EIPR1: variants seen among roughly 807,000 people sequenced by gnomAD.
The protein encoded by EIPR1 is EARP complex and GARP complex interacting protein 1, also known as EARP and GARP complex-interacting protein 1.
A neutral mutation model predicts 48.1 loss-of-function variants in EIPR1; 25 were observed. That is an observed-to-expected ratio of 0.52 (90% CI 0.38 to 0.73). EIPR1 has a LOEUF of 0.73. EIPR1 is among the 30% of genes least tolerant of loss of function. The probability of loss-of-function intolerance (pLI) is 0.00; values close to 1 mark genes in which losing one functional copy is unlikely to be tolerated. For missense variants in EIPR1, 415 were observed against 506.2 expected (o/e 0.82, Z 1.73); for synonymous variants, 204 against 201.9 (o/e 1.01, Z -0.09).
At chr2:3,303,031 G>T (rs1385111065) in intron 3 of EIPR1, among the ~76,000 whole-genome samples, 1 of 152,164 alleles carries the variant, frequency 6.6e-6, no homozygotes, top group Non-Finnish European at 1.5e-5. Context: ...TATGAAGACC[G>T]CTGAAAAGTG....
At chr2:3,208,926 C>A in intron 5 of EIPR1, 1 of 1,530,876 alleles carries the variant, frequency 6.5e-7, no homozygotes. Flanking sequence ...AGGGTCCGTG[C>A]ACGCTCCTTC....
intron 3 of EIPR1, among the ~76,000 whole-genome samples, chr2:3,278,715 C>G (rs529189727): frequency 2.0e-5 from 3 of 152,268 alleles, no homozygotes; most frequent in East Asian, 1.9e-4. Flanking sequence ...GAGGTCGGCC[C>G]ACCTCCAAAA....
intron 1 of EIPR1, among the ~76,000 whole-genome samples, chr2:3,361,685 T>A (rs1461232610): frequency 6.6e-6 from 1 of 151,472 alleles, no homozygotes; most frequent in Non-Finnish European, 1.5e-5. Context: ...AACAGCCGCC[T>A]CCAGCCCCAA....
At chr2:3,272,444 C>G (rs912388202) in intron 3 of EIPR1, among the ~76,000 whole-genome samples, 5 of 152,154 alleles carry the variant, frequency 3.3e-5, no homozygotes, top group African/African-American at 1.2e-4. Flanking sequence ...GAGAGATATT[C>G]CTTTCATTGA....
chr2:3,351,824 T>C (rs912385509), intron 2 of EIPR1, among the ~76,000 whole-genome samples: 2 of 152,250 alleles, frequency 1.3e-5, no homozygotes, highest in Admixed American at 1.3e-4. Context: ...AGGTTTCAGT[T>C]ACCTGTGGTC....
chr2:3,333,909 C>A (rs1308409976), intron 3 of EIPR1, among the ~76,000 whole-genome samples: 1 of 152,204 alleles, frequency 6.6e-6, no homozygotes, highest in African/African-American at 2.4e-5. Context: ...TCTCCACGTG[C>A]GGTTCTACTG....
At chr2:3,294,945 TACACAC>T (rs58247860) in intron 3 of EIPR1, among the ~76,000 whole-genome samples, 4 of 66,268 alleles carry the variant, frequency 6.0e-5, no homozygotes, top group Non-Finnish European at 5.5e-5. Flanking sequence ...CCATCCTCTC[TACACAC>T]ACACACACAC....
intron 1 of EIPR1, among the ~76,000 whole-genome samples, chr2:3,367,823 C>G (rs149765570): frequency 2.0e-5 from 3 of 152,110 alleles, no homozygotes; most frequent in African/African-American, 7.2e-5. Context: ...CCAAGGCAGA[C>G]GGATCACAAG....
chr2:3,266,642 G>A (rs574681262), intron 3 of EIPR1, among the ~76,000 whole-genome samples: 1 of 152,320 alleles, frequency 6.6e-6, no homozygotes, highest in Non-Finnish European at 1.5e-5. Flanking sequence ...AGGAGGTGGT[G>A]CCAGCATCAC....
At chr2:3,249,674 C>G (rs1666945933) in intron 4 of EIPR1, among the ~76,000 whole-genome samples, 1 of 152,132 alleles carries the variant, frequency 6.6e-6, no homozygotes, top group Non-Finnish European at 1.5e-5. Context: ...GGAAAAAGGC[C>G]TTGAAGACAT....
chr2:3,250,038 G>A (rs138368083), intron 4 of EIPR1, among the ~76,000 whole-genome samples: 89 of 152,318 alleles, frequency 5.8e-4, no homozygotes, highest in Non-Finnish European at 9.4e-4. Context: ...ACTGCACTAG[G>A]GTAATGCTTA....
At chr2:3,196,676 T>A (rs552639864) in intron 6 of EIPR1, among the ~76,000 whole-genome samples, 4 of 152,288 alleles carry the variant, frequency 2.6e-5, no homozygotes, top group African/African-American at 9.6e-5. Flanking sequence ...GCCACCGAGG[T>A]GCACCGGTTC....
chr2:3,267,102 G>A lies in EIPR1; in HGVS notation c.260-9647C>T, dbSNP rs553493787. Among the ~76,000 whole-genome samples the A allele has an allele frequency of 2.0e-4, 30 of 152,332 alleles. No homozygotes were observed. In the East Asian group the frequency reaches 3.5e-3, roughly 18 times the overall value. ...AGGATCTACGGCCAAGCAGGGACCC[G>A]GAAGCTGTGGCCCAAGTCCACCTCA... is the stretch of plus-strand genomic sequence containing the variant. On this transcript the variant is annotated intron_variant, in intron 3 of 8. Coordinates refer to ENST00000382125, the MANE Select transcript of EIPR1 (RefSeq NM_003310.5).
rs78553030 is a variant in EIPR1, at chr2:3,322,018, G to A, written c.259+15999C>T. Among the ~76,000 whole-genome samples the A allele has an allele frequency of 5.8e-4, 88 of 152,312 alleles. 1 individual carries two copies. In the East Asian group the frequency reaches 0.012, roughly 21 times the overall value. ...TCGACAGCATCTTATCCGAGGGATC[G>A]GTGGTGAATTCCACCCTCACTTCAC... On this transcript the variant is annotated intron_variant, in intron 3 of 8. Transcript: ENST00000382125.
chr2:3,289,683 T>C (rs765458151), intron 3 of EIPR1, among the ~76,000 whole-genome samples: 1 of 152,208 alleles, frequency 6.6e-6, no homozygotes, highest in African/African-American at 2.4e-5. Context: ...ACATTTCCCA[T>C]GCTCATCTCC....
chr2:3,235,589 CT>C (rs1381282049), intron 4 of EIPR1, among the ~76,000 whole-genome samples: 1 of 152,232 alleles, frequency 6.6e-6, no homozygotes, highest in African/African-American at 2.4e-5. Context: ...GCGTGGAAAC[CT>C]TGTGGTGCCC....
intron 2 of EIPR1, chr2:3,353,235 T>C: frequency 2.1e-6 from 1 of 471,190 alleles, no homozygotes; most frequent in South Asian, 1.5e-5. Context: ...CTGGGTGGTC[T>C]TGGAACACAT....
intron 4 of EIPR1, among the ~76,000 whole-genome samples, chr2:3,241,333 T>C (rs1325030323): frequency 6.6e-6 from 1 of 152,250 alleles, no homozygotes; most frequent in East Asian, 1.9e-4. Context: ...TATCGTATCT[T>C]TCACTATTTA....
At chr2:3,245,771 G>A (rs1391153250) in intron 4 of EIPR1, among the ~76,000 whole-genome samples, 1 of 152,210 alleles carries the variant, frequency 6.6e-6, no homozygotes, top group Non-Finnish European at 1.5e-5. Flanking sequence ...TTTCTTACAA[G>A]AATCTGGGCC....
Sources: gnomAD v4.1 joint callset for allele counts (sites outside exome capture counted in the v4.1 genomes callset) on GRCh38, gnomAD v4.1.1 for gene constraint, MANE v1.5 for transcripts, NCBI Gene and HGNC (gene_info 2026-07-23, HGNC 2026-07-21) for gene names.